The following SLIT3 variants were observed in gnomAD, a reference collection of about 807,000 sequenced individuals.
The protein encoded by SLIT3 is slit guidance ligand 3, also known as slit homolog 3 protein.
Under a neutral mutation model 184.0 loss-of-function variants are expected in SLIT3, and 68 were observed. That is an observed-to-expected ratio of 0.37 (90% CI 0.30 to 0.45). The LOEUF (loss-of-function observed/expected upper bound fraction) is 0.45. Among genes scored for constraint, SLIT3 ranks in the 20% least tolerant of loss-of-function variants. The pLI is 1.00. For missense variants in SLIT3, 1,707 were observed against 2,026.0 expected (o/e 0.84, Z 3.02); for synonymous variants, 831 against 828.6 (o/e 1.00, Z -0.05).
intron 3 of SLIT3, among the ~76,000 whole-genome samples, chr5:169,214,245 T>C (rs1764362971): frequency 6.6e-6 from 1 of 152,180 alleles, no homozygotes; most frequent in African/African-American, 2.4e-5. Flanking sequence ...ACCCGCTTCA[T>C]GGAGAGCCCA....
At chr5:168,962,463 C>A (rs761201948) in intron 4 of SLIT3, among the ~76,000 whole-genome samples, 9 of 152,100 alleles carry the variant, frequency 5.9e-5, no homozygotes, top group Non-Finnish European at 1.3e-4. Context: ...TATAACCAGA[C>A]CATGTGTTTT....
At chr5:169,231,783 G>A (rs78130214) in intron 3 of SLIT3, among the ~76,000 whole-genome samples, 11,351 of 152,158 alleles carry the variant, frequency 0.075, 542 homozygotes, top group South Asian at 0.12. Flanking sequence ...AATAACTCCC[G>A]TAACAGTATA....
chr5:169,251,647 C>G (rs943593704), intron 1 of SLIT3, among the ~76,000 whole-genome samples, 188 bp from the exon 2 acceptor site: 3 of 152,152 alleles, frequency 2.0e-5, no homozygotes, highest in African/African-American at 7.2e-5. Flanking sequence ...TCATTATGCA[C>G]ATAGCAGAAC....
chr5:168,938,305 A>G (rs1344020370), intron 4 of SLIT3, among the ~76,000 whole-genome samples: 1 of 152,254 alleles, frequency 6.6e-6, no homozygotes, highest in African/African-American at 2.4e-5. Context: ...TTTTAATGAT[A>G]TGGATAAATC....
chr5:168,703,010 C>T (rs1266047621), intron 26 of SLIT3, among the ~76,000 whole-genome samples: 1 of 152,176 alleles, frequency 6.6e-6, no homozygotes, highest in Non-Finnish European at 1.5e-5. Context: ...ACGCCAAGCA[C>T]AGAAATCCAG....
At chr5:168,901,849 C>T (rs1445642635) in intron 4 of SLIT3, among the ~76,000 whole-genome samples, 1 of 152,148 alleles carries the variant, frequency 6.6e-6, no homozygotes, top group Non-Finnish European at 1.5e-5. Flanking sequence ...TACCTCTTTG[C>T]CATATGCCCT....
chr5:169,188,410 A>T (rs1763432599), intron 4 of SLIT3, among the ~76,000 whole-genome samples: 1 of 152,180 alleles, frequency 6.6e-6, no homozygotes, highest in Non-Finnish European at 1.5e-5. Flanking sequence ...GAGGATGGCA[A>T]AGGGAGAAAT....
intron 5 of SLIT3, among the ~76,000 whole-genome samples, chr5:168,864,212 A>G (rs1161678051): frequency 6.6e-6 from 1 of 152,186 alleles, no homozygotes; most frequent in Non-Finnish European, 1.5e-5. Flanking sequence ...TAAAAGGCAC[A>G]TGTGAACAAA....
chr5:169,229,499 G>A (rs1326587018), intron 3 of SLIT3, among the ~76,000 whole-genome samples: 4 of 152,198 alleles, frequency 2.6e-5, no homozygotes, highest in Admixed American at 2.0e-4. Flanking sequence ...TTTCAGATGA[G>A]AAGAAGCATG....
intron 4 of SLIT3, among the ~76,000 whole-genome samples, chr5:169,137,329 C>CAGAGAGAGAGAG (rs573469556): frequency 0.029 from 2,783 of 97,492 alleles, 44 homozygotes; most frequent in South Asian, 0.056. Flanking sequence ...CACACACACA[C>CAGAGAGAGAGAG]ACACACAGAG....
intron 4 of SLIT3, among the ~76,000 whole-genome samples, chr5:168,959,383 G>T (rs149578253): frequency 6.6e-6 from 1 of 152,200 alleles, no homozygotes; most frequent in African/African-American, 2.4e-5. Context: ...TCAGGGGAAA[G>T]AAAGGCCCTG....
intron 3 of SLIT3, among the ~76,000 whole-genome samples, chr5:169,229,380 G>C (rs955141050): frequency 6.6e-6 from 1 of 152,122 alleles, no homozygotes; most frequent in Non-Finnish European, 1.5e-5. Flanking sequence ...AAATAAGAAC[G>C]ATAACTCGCA....
chr5:168,988,309 A>T (rs1375150313), intron 4 of SLIT3, among the ~76,000 whole-genome samples: 1 of 152,036 alleles, frequency 6.6e-6, no homozygotes, highest in Admixed American at 6.5e-5. Flanking sequence ...TTTTTTTCCC[A>T]TGGAAAAAGA....
In SLIT3 at chr5:169,138,393, T is replaced by C. The variant is rs572338929; in HGVS notation, c.413+55086A>G. 2.8e-3 allele frequency among the ~76,000 whole-genome samples: 432 copies of C among 152,244 alleles called. 1 individual carries two copies. Among genetic ancestry groups the C allele is most frequent in the Middle Eastern group, 0.01 (3 of 292 alleles). On this transcript the variant is annotated intron_variant, in intron 4 of 35. Transcript: ENST00000519560. ...TCCTCCTGTGGTGTCAGGCTAAGGC[T>C]AGACTTTTCCTGCAGCCACATATCT...
chr5:168,880,193 T>A (rs955065570), intron 5 of SLIT3, among the ~76,000 whole-genome samples: 1 of 152,204 alleles, frequency 6.6e-6, no homozygotes, highest in Non-Finnish European at 1.5e-5. Flanking sequence ...CCTCATCTCC[T>A]GCCCCGACCT....
rs144938915 is a variant in SLIT3 at position 168,886,035 on chromosome 5, C to T, written c.414-2699G>A. On this transcript the variant is annotated intron_variant, in intron 4 of 35. Transcript: ENST00000519560. The stretch of plus-strand genomic sequence containing the variant: ...TATAACCAGCCTTGCTCCTACTTTA[C>T]GGAGCCAGTTGAAACACAGCTTTCT... Among the ~76,000 whole-genome samples the T allele has an allele frequency of 5.3e-5, 8 of 152,306 alleles. No homozygotes were observed. The East Asian group carries it at 5.8e-4, about 11-fold the overall frequency.
At chr5:168,680,529 C>T (rs932791059) in intron 32 of SLIT3, among the ~76,000 whole-genome samples, 39 of 152,258 alleles carry the variant, frequency 2.6e-4, no homozygotes, top group African/African-American at 8.0e-4. Context: ...GCTGCCAACT[C>T]CCCCAGTTAG....
intron 6 of SLIT3, among the ~76,000 whole-genome samples, chr5:168,834,209 A>T (rs1283516334): frequency 6.6e-6 from 1 of 152,074 alleles, no homozygotes; most frequent in African/African-American, 2.4e-5. Context: ...CAGGCAGGGG[A>T]GTGATTTTCT....
At chr5:168,891,789 G>GT (rs1760473826) in intron 4 of SLIT3, among the ~76,000 whole-genome samples, 1 of 152,224 alleles carries the variant, frequency 6.6e-6, no homozygotes, top group African/African-American at 2.4e-5. Flanking sequence ...ACCAATACGA[G>GT]TGCCTGTTTT....
Sources: allele counts gnomAD v4.1 joint callset (sites outside exome capture counted in the v4.1 genomes callset), GRCh38; gene constraint gnomAD v4.1.1; transcripts MANE v1.5; gene names NCBI Gene and HGNC (gene_info 2026-07-23, HGNC 2026-07-21).